PARVA: variants seen among roughly 807,000 people sequenced by gnomAD.
PARVA encodes alpha-parvin.
A neutral mutation model predicts 52.6 loss-of-function variants in PARVA; 25 were observed. The ratio of observed to expected loss-of-function variants is 0.48; its 90% confidence interval spans 0.35 to 0.66. The LOEUF (loss-of-function observed/expected upper bound fraction) is 0.66. Among genes scored for constraint, PARVA ranks in the 30% least tolerant of loss-of-function variants. The probability of loss-of-function intolerance (pLI) is 0.01; values close to 1 mark genes in which losing one functional copy is unlikely to be tolerated. For missense variants in PARVA, 373 were observed against 450.9 expected (o/e 0.83, Z 1.56); for synonymous variants, 185 against 179.1 (o/e 1.03, Z -0.26).
At chr11:12,398,447 TGG>T (rs1939781074) in intron 1 of PARVA, 2 of 149,066 alleles carry the variant, frequency 1.3e-5, no homozygotes, top group Non-Finnish European at 3.0e-5. Context: ...GAGCCCTGAC[TGG>T]GGTAGGCACA....
chr11:12,517,818 G>C, intron 11 of PARVA, 107 bp downstream of exon 11: 1 of 748,672 alleles, frequency 1.3e-6, no homozygotes, highest in Non-Finnish European at 2.3e-6. Context: ...CTTCCCCTCT[G>C]CTCAACGTCT....
chr11:12,430,886 CACA>C (rs1446945286), intron 1 of PARVA, among the ~76,000 whole-genome samples: 1 of 152,136 alleles, frequency 6.6e-6, no homozygotes, highest in East Asian at 1.9e-4. Context: ...TCAACCATGC[CACA>C]ACAACAAAGA....
chr11:12,496,661 C>T, intron 5 of PARVA, 63 bp downstream of exon 5: 1 of 1,513,892 alleles, frequency 6.6e-7, no homozygotes, highest in Admixed American at 2.0e-5. Flanking sequence ...CATGGGGCTT[C>T]CCCAAGAAGC....
rs1398743718 is a variant in PARVA at position 12,473,959 on chromosome 11, C to A, written c.273C>A (p.Asp91Glu). 1.9e-6 allele frequency: 3 copies of A among 1,581,142 alleles called. No homozygotes were observed. Among genetic ancestry groups the A allele is most frequent in the East Asian group, 4.6e-5 (2 of 43,122 alleles). Residue 91 changes from aspartate (D) to glutamate (E), a missense_variant, in exon 3 of 13, where the codon GAC (aspartate) becomes GAA (glutamate). Physicochemically the swap from Asp to Glu is conservative, Grantham distance 45. Transcript: ENST00000334956. ...RTMVDPNSRSDPKLQELMKVL... is the reference protein window; with the variant it reads ...RTMVDPNSRSEPKLQELMKVL... ...TGGTGGATCCAAACTCACGCAGTGA[C>A]CCCAAGCTTCAAGAACTGATGAAGG...
At chr11:12,443,260 A>G (rs945526021) in intron 1 of PARVA, among the ~76,000 whole-genome samples, 1 of 136,580 alleles carries the variant, frequency 7.3e-6, no homozygotes, top group African/African-American at 2.7e-5. Context: ...CAACCTTCGC[A>G]TCCCGGGTTG....
intron 4 of PARVA, among the ~76,000 whole-genome samples, chr11:12,482,360 C>T (rs1941099663): frequency 6.6e-6 from 1 of 151,976 alleles, no homozygotes; most frequent in Admixed American, 6.6e-5. Context: ...GGTGTGGTGG[C>T]TCACGCCTGT....
chr11:12,452,486 C>A (rs1331376491), intron 1 of PARVA, among the ~76,000 whole-genome samples: 2 of 152,190 alleles, frequency 1.3e-5, no homozygotes. Flanking sequence ...ACAGCATAGC[C>A]ACTCTGTGTC....
chr11:12,377,417 G>C, upstream of PARVA: 1 of 1,369,036 alleles, frequency 7.3e-7, no homozygotes, highest in South Asian at 1.7e-5. Context: ...GCAACCCAGG[G>C]GCGCAAGGCG....
At chr11:12,412,403 T>C (rs1036283533) in intron 1 of PARVA, among the ~76,000 whole-genome samples, 2 of 152,116 alleles carry the variant, frequency 1.3e-5, no homozygotes, top group African/African-American at 2.4e-5. Flanking sequence ...GGGTGGGTCT[T>C]TTAAGGCCGT....
chr11:12,485,050 A>G (rs1168980069), intron 4 of PARVA, among the ~76,000 whole-genome samples: 1 of 152,090 alleles, frequency 6.6e-6, no homozygotes, highest in Non-Finnish European at 1.5e-5. Context: ...CTGGGCTCAA[A>G]TGATTCACCC....
chr11:12,497,283 C>T (rs1454876814), intron 5 of PARVA, among the ~76,000 whole-genome samples: 1 of 152,076 alleles, frequency 6.6e-6, no homozygotes, highest in Non-Finnish European at 1.5e-5. Context: ...GCAGTAGCAA[C>T]TGGATTCCAA....
chr11:12,409,099 T>C (rs1939955605), intron 1 of PARVA, among the ~76,000 whole-genome samples: 1 of 152,214 alleles, frequency 6.6e-6, no homozygotes, highest in Non-Finnish European at 1.5e-5. Context: ...CTATGAATTT[T>C]CCTAAGGACA....
intron 4 of PARVA, chr11:12,480,479 A>C (rs974918269): frequency 6.6e-6 from 1 of 152,174 alleles, no homozygotes; most frequent in Non-Finnish European, 1.5e-5. Context: ...CAGGATCTGA[A>C]ACTGCCAAAA....
At position 12,512,966 on chromosome 11, in the gene PARVA, A is replaced by G. The variant is rs77751521; in HGVS notation, c.737-333A>G. ...ACATTCTCCCTCTACAGAGGTTCAGAAACACCTGAACAATAGCTACGTTAG... is the reference window on the plus strand; with the variant it reads ...ACATTCTCCCTCTACAGAGGTTCAGGAACACCTGAACAATAGCTACGTTAG... On this transcript the variant is annotated intron_variant, in intron 8 of 12. Coordinates refer to ENST00000334956, the MANE Select transcript of PARVA (RefSeq NM_018222.5). 6.9e-3 allele frequency among the ~76,000 whole-genome samples: 1,046 copies of G among 152,342 alleles called. 18 individuals are homozygous for G. In the East Asian group the frequency reaches 0.081, roughly 12 times the overall value.
chr11:12,462,535 C>T (rs1222588682), intron 1 of PARVA, among the ~76,000 whole-genome samples: 3 of 152,210 alleles, frequency 2.0e-5, no homozygotes, highest in Non-Finnish European at 4.4e-5. Context: ...GACACTTTGA[C>T]TTTAGCCCAG....
chr11:12,523,110 T>A (rs4237720), intron 12 of PARVA, among the ~76,000 whole-genome samples: 136,029 of 152,136 alleles, frequency 0.89, 61,654 homozygotes, highest in Non-Finnish European at 0.97. Flanking sequence ...TTAAAAAAAA[T>A]TTTTAATGAC....
chr11:12,447,480 C>T (rs1239654329), intron 1 of PARVA, among the ~76,000 whole-genome samples: 5 of 152,132 alleles, frequency 3.3e-5, no homozygotes, highest in Non-Finnish European at 5.9e-5. Flanking sequence ...GATATGGTCC[C>T]AGTCAGTATG....
In PARVA at chr11:12,456,805, G is replaced by A. The variant is rs185878795; in HGVS notation, c.137-16940G>A. ...TAAGTGATATCCCCAGGCTCCCATA[G>A]AGTACTATGCTGTACTCTGGGGCTG... On this transcript the variant is annotated intron_variant, in intron 1 of 12. Coordinates refer to ENST00000334956, the MANE Select transcript of PARVA (RefSeq NM_018222.5). Among the ~76,000 whole-genome samples, 358 of 152,128 alleles carry A rather than the reference G, an allele frequency of 2.4e-3. 1 individual carries two copies. The highest frequency in any genetic ancestry group is 8.1e-3 in the African/African-American group (337 of 41,510).
intron 1 of PARVA, among the ~76,000 whole-genome samples, chr11:12,448,431 C>A (rs1267327700): frequency 6.6e-6 from 1 of 152,096 alleles, no homozygotes; most frequent in African/African-American, 2.4e-5. Flanking sequence ...GCTCAGATGT[C>A]CAGAAAGGCA....
Sources: allele counts gnomAD v4.1 joint callset (sites outside exome capture counted in the v4.1 genomes callset), GRCh38; gene constraint gnomAD v4.1.1; transcripts MANE v1.5; gene names NCBI Gene and HGNC (gene_info 2026-07-23, HGNC 2026-07-21).